MCTP1: variants seen among roughly 807,000 people sequenced by gnomAD.
MCTP1 encodes the protein multiple C2 and transmembrane domain containing 1, also known as multiple C2 and transmembrane domain-containing protein 1.
A neutral mutation model predicts 120.6 loss-of-function variants in MCTP1; 69 were observed. The observed-to-expected ratio is 0.57, with a 90% CI of 0.47 to 0.70. The LOEUF is 0.70. Among genes scored for constraint, MCTP1 ranks in the 30% least tolerant of loss-of-function variants. The pLI is 0.00. For synonymous variants in MCTP1, 529 were observed against 493.1 expected, an observed-to-expected ratio of 1.07 and a Z score of -0.96; for missense variants, 1,203 against 1,248.8, an observed-to-expected ratio of 0.96 and a Z score of 0.55.
intron 1 of MCTP1, among the ~76,000 whole-genome samples, chr5:95,107,053 A>C (rs1462687377): frequency 6.6e-6 from 1 of 152,244 alleles, no homozygotes; most frequent in Non-Finnish European, 1.5e-5. Context: ...ACAATGTAGA[A>C]AAATAAACTC....
At chr5:94,783,654 T>G (rs1561629947) in intron 18 of MCTP1, among the ~76,000 whole-genome samples, 2 of 152,114 alleles carry the variant, frequency 1.3e-5, no homozygotes. Context: ...AAAATCATTA[T>G]GGGATAGTGG....
At chr5:95,266,341 C>A (rs1481247176) in intron 1 of MCTP1, among the ~76,000 whole-genome samples, 1 of 152,152 alleles carries the variant, frequency 6.6e-6, no homozygotes, top group Non-Finnish European at 1.5e-5. Flanking sequence ...TTCTGGAGTC[C>A]ATGGATTGAA....
intron 22 of MCTP1, among the ~76,000 whole-genome samples, chr5:94,707,987 C>A (rs12516200): frequency 0.3 from 44,674 of 148,986 alleles, 7,280 homozygotes; most frequent in East Asian, 0.67. Context: ...AAAAAAAAAA[C>A]AAACTTCTTT....
At chr5:94,970,850 CTT>C (rs34523281) in intron 2 of MCTP1, among the ~76,000 whole-genome samples, 1 of 147,054 alleles carries the variant, frequency 6.8e-6, no homozygotes. Flanking sequence ...CTCTTCAATC[CTT>C]TTTTTTTTTC....
At chr5:94,743,314 A>AT (rs953412443) in intron 19 of MCTP1, among the ~76,000 whole-genome samples, 10 of 144,222 alleles carry the variant, frequency 6.9e-5, no homozygotes, top group Admixed American at 3.6e-4. Flanking sequence ...TTTCAATTCA[A>AT]TAAAAAAAAA....
intron 1 of MCTP1, among the ~76,000 whole-genome samples, chr5:95,201,701 C>A (rs1055500467): frequency 6.6e-6 from 1 of 151,530 alleles, no homozygotes; most frequent in Non-Finnish European, 1.5e-5. Flanking sequence ...GACAGGGTTT[C>A]ACCATGTTGG....
At chr5:95,089,149 A>C (rs1370395285) in intron 1 of MCTP1, among the ~76,000 whole-genome samples, 2 of 152,204 alleles carry the variant, frequency 1.3e-5, no homozygotes, top group Non-Finnish European at 2.9e-5. Context: ...ATAGGTCTGG[A>C]GATAGTTATT....
intron 2 of MCTP1, among the ~76,000 whole-genome samples, chr5:94,959,093 C>T (rs1453390342): frequency 6.6e-6 from 1 of 152,136 alleles, no homozygotes; most frequent in Non-Finnish European, 1.5e-5. Flanking sequence ...GGCTTCATCC[C>T]TGGGATGCAA....
intron 1 of MCTP1, among the ~76,000 whole-genome samples, chr5:95,044,792 CCT>C (rs1012545636): frequency 2.6e-5 from 4 of 151,924 alleles, no homozygotes; most frequent in Non-Finnish European, 5.9e-5. Flanking sequence ...TTCACTCTGT[CCT>C]CTTTTTCCCA....
chr5:94,727,883 T>C (rs1762424585), intron 19 of MCTP1, among the ~76,000 whole-genome samples: 1 of 152,172 alleles, frequency 6.6e-6, no homozygotes, highest in East Asian at 1.9e-4. Context: ...CTTAAGATAA[T>C]AGAGTTCTTC....
At chr5:95,007,747 CT>C (rs1447006028) in intron 2 of MCTP1, among the ~76,000 whole-genome samples, 1 of 152,186 alleles carries the variant, frequency 6.6e-6, no homozygotes, top group Non-Finnish European at 1.5e-5. Flanking sequence ...TGAAACTTCA[CT>C]GGGGGTAAAC....
At chr5:94,828,283 CT>C (rs1223125149) in intron 17 of MCTP1, among the ~76,000 whole-genome samples, 1 of 152,198 alleles carries the variant, frequency 6.6e-6, no homozygotes, top group Admixed American at 6.5e-5. Context: ...CCAGCAGAGG[CT>C]GCAGAACAGC....
At chr5:95,048,522 A>G (rs1745119531) in intron 1 of MCTP1, among the ~76,000 whole-genome samples, 1 of 152,152 alleles carries the variant, frequency 6.6e-6, no homozygotes, top group Admixed American at 6.5e-5. Flanking sequence ...AAATGGATAA[A>G]TCTTGTCAGA....
intron 17 of MCTP1, among the ~76,000 whole-genome samples, chr5:94,854,762 GC>G (rs1794427892): frequency 6.6e-6 from 1 of 151,790 alleles, no homozygotes; most frequent in Admixed American, 6.6e-5. Flanking sequence ...TTCAGCATTG[GC>G]AAAGCTTAAA....
chr5:94,721,415 C>T (rs1760859422), intron 19 of MCTP1, among the ~76,000 whole-genome samples: 1 of 152,126 alleles, frequency 6.6e-6, no homozygotes, highest in African/African-American at 2.4e-5. Flanking sequence ...TAAATATTCG[C>T]TCATTCTTCA....
intron 1 of MCTP1, chr5:95,081,534 A>AT: frequency 6.3e-7 from 1 of 1,575,456 alleles, no homozygotes; most frequent in South Asian, 1.2e-5. Context: ...AGAACTGCAT[A>AT]TTTAGACTTG....
chr5:94,851,484 T>A (rs537125324), intron 17 of MCTP1, among the ~76,000 whole-genome samples: 1 of 152,178 alleles, frequency 6.6e-6, no homozygotes, highest in South Asian at 2.1e-4. Flanking sequence ...CCATCTTTAA[T>A]ATTGCTATTT....
At chr5:95,154,896 TA>T (rs1562188890) in intron 1 of MCTP1, among the ~76,000 whole-genome samples, 1 of 152,122 alleles carries the variant, frequency 6.6e-6, no homozygotes, top group Non-Finnish European at 1.5e-5. Flanking sequence ...ATGGATATCT[TA>T]TTTAGAGTTT....
chr5:95,193,062 T>C (rs1031625525), intron 1 of MCTP1, among the ~76,000 whole-genome samples: 5 of 152,176 alleles, frequency 3.3e-5, no homozygotes, highest in Admixed American at 1.3e-4. Flanking sequence ...TAAAGTTGTA[T>C]CCTAATAAGT....
Sources: gnomAD v4.1 joint callset for allele counts (sites outside exome capture counted in the v4.1 genomes callset) on GRCh38, gnomAD v4.1.1 for gene constraint, MANE v1.5 for transcripts, NCBI Gene and HGNC (gene_info 2026-07-23, HGNC 2026-07-21) for gene names.